The following CLYBL variants were observed in gnomAD, a reference collection of about 807,000 sequenced individuals.
CLYBL encodes citramalyl-CoA lyase, mitochondrial.
In CLYBL, 31 loss-of-function variants were observed where a neutral mutation model predicts 38.9. That is an observed-to-expected ratio of 0.80 (90% CI 0.60 to 1.08). The LOEUF is 1.08. Among genes scored for constraint, CLYBL ranks in the 50% least tolerant of loss-of-function variants. The pLI is 0.00. For missense variants in CLYBL, 434 were observed against 411.6 expected (o/e 1.05, Z -0.47); for synonymous variants, 171 against 158.6 (o/e 1.08, Z -0.59).
chr13:99,781,069 T>G (rs2138836639), intron 2 of CLYBL, among the ~76,000 whole-genome samples: 1 of 151,914 alleles, frequency 6.6e-6, no homozygotes, highest in South Asian at 2.1e-4. Context: ...TACACCATTA[T>G]ATTTCATAAT....
At chr13:99,843,166 T>C (rs1594216091) in intron 2 of CLYBL, among the ~76,000 whole-genome samples, 1 of 152,262 alleles carries the variant, frequency 6.6e-6, no homozygotes, top group South Asian at 2.1e-4. Context: ...TCATGGTCAT[T>C]CCTTTGGAGC....
intron 1 of CLYBL, among the ~76,000 whole-genome samples, chr13:99,664,940 T>C (rs1218307605): frequency 1.3e-5 from 2 of 152,116 alleles, no homozygotes; most frequent in Non-Finnish European, 2.9e-5. Context: ...AATAATAAAA[T>C]AGGAAAATAA....
intron 1 of CLYBL, among the ~76,000 whole-genome samples, chr13:99,763,673 G>A (rs1272931460): frequency 6.6e-6 from 1 of 150,468 alleles, no homozygotes; most frequent in Non-Finnish European, 1.5e-5. Flanking sequence ...TCCTGCCTAA[G>A]CCTCCCGAAT....
intron 7 of CLYBL, chr13:99,885,172 A>G (rs2052319552): frequency 2.0e-6 from 1 of 489,096 alleles, no homozygotes; most frequent in South Asian, 1.5e-5. Context: ...ATGTAAACAA[A>G]TACTCTCACT....
intron 2 of CLYBL, among the ~76,000 whole-genome samples, chr13:99,822,556 C>T (rs572122235): frequency 9.9e-5 from 15 of 152,192 alleles, no homozygotes; most frequent in Non-Finnish European, 1.8e-4. Context: ...CAGACCTTAG[C>T]GAGTCTAGCC....
At chr13:99,813,107 A>G (rs530924367) in intron 2 of CLYBL, among the ~76,000 whole-genome samples, 2 of 152,312 alleles carry the variant, frequency 1.3e-5, no homozygotes, top group Non-Finnish European at 2.9e-5. Context: ...AAAATTCTGC[A>G]CCAAAATGGT....
chr13:99,663,827 T>C (rs937356271), intron 1 of CLYBL, among the ~76,000 whole-genome samples: 36 of 152,184 alleles, frequency 2.4e-4, no homozygotes, highest in African/African-American at 8.4e-4. Context: ...CTGGAGCTTA[T>C]TACGGGCCTG....
intron 1 of CLYBL, among the ~76,000 whole-genome samples, chr13:99,616,743 G>A (rs2046717152): frequency 6.6e-6 from 1 of 152,162 alleles, no homozygotes; most frequent in Admixed American, 6.5e-5. Context: ...ATCACTTGAG[G>A]TCAGAAGTTC....
intron 1 of CLYBL, among the ~76,000 whole-genome samples, chr13:99,741,441 G>A (rs142775629): frequency 2.6e-5 from 4 of 152,328 alleles, no homozygotes; most frequent in Non-Finnish European, 5.9e-5. Context: ...TTCATCCATC[G>A]AGGGCTTGTG....
At chr13:99,778,964 G>A (rs2049580630) in intron 2 of CLYBL, among the ~76,000 whole-genome samples, 1 of 152,086 alleles carries the variant, frequency 6.6e-6, no homozygotes, top group Non-Finnish European at 1.5e-5. Context: ...TAAATACTGA[G>A]TACCTACTCA....
rs145084480 is a variant in CLYBL at position 99,707,551 on chromosome 13, C to T, written c.63-65273C>T. Among the ~76,000 whole-genome samples, 377 of 152,262 alleles carry T rather than the reference C, an allele frequency of 2.5e-3. 3 individuals are homozygous for T. The highest frequency in any genetic ancestry group is 8.8e-3 in the African/African-American group (364 of 41,550). ...CCTCCCAAAGTGCTGGGATTACAGG[C>T]TTGAGCCATTGCACCCAGCCTGGAT... On this transcript the variant is annotated intron_variant, in intron 1 of 8. Transcript: ENST00000339105.
chr13:99,733,549 T>C (rs1335539693), intron 1 of CLYBL, among the ~76,000 whole-genome samples: 1 of 152,232 alleles, frequency 6.6e-6, no homozygotes. Context: ...TTATTAGTCA[T>C]CAGGAACACC....
At chr13:99,768,198 T>TC (rs902182731) in intron 1 of CLYBL, among the ~76,000 whole-genome samples, 11 of 138,510 alleles carry the variant, frequency 7.9e-5, no homozygotes, top group South Asian at 7.3e-4. Context: ...TTTTCTTTTT[T>TC]TTTTTTTTTT....
intron 2 of CLYBL, among the ~76,000 whole-genome samples, chr13:99,840,272 A>G (rs1046966765): frequency 4.6e-5 from 7 of 150,706 alleles, no homozygotes; most frequent in Non-Finnish European, 1.0e-4. Flanking sequence ...AAAAATCACT[A>G]TATACAATTC....
At chr13:99,712,633 T>G (rs2139498047) in intron 1 of CLYBL, among the ~76,000 whole-genome samples, 1 of 152,236 alleles carries the variant, frequency 6.6e-6, no homozygotes, top group Non-Finnish European at 1.5e-5. Context: ...AAGTGTGAGC[T>G]ACCACACCTG....
chr13:99,639,543 T>C (rs9585158), intron 1 of CLYBL, among the ~76,000 whole-genome samples: 2,056 of 152,286 alleles, frequency 0.014, 47 homozygotes, highest in African/African-American at 0.046. Flanking sequence ...AAAACAATAA[T>C]TAAGATAAAC....
intron 1 of CLYBL, among the ~76,000 whole-genome samples, chr13:99,647,391 T>C (rs2047192429): frequency 6.6e-6 from 1 of 151,916 alleles, no homozygotes; most frequent in Non-Finnish European, 1.5e-5. Context: ...TTCCATAGTA[T>C]CTAAGGCCTT....
At chr13:99,796,238 T>C (rs2050019471) in intron 2 of CLYBL, among the ~76,000 whole-genome samples, 1 of 152,076 alleles carries the variant, frequency 6.6e-6, no homozygotes, top group Admixed American at 6.5e-5. Context: ...GCCTTCAACT[T>C]TGAGGGCCAC....
chr13:99,692,277 G>GTTTTT (rs113949110), intron 1 of CLYBL, among the ~76,000 whole-genome samples: 4 of 121,856 alleles, frequency 3.3e-5, no homozygotes, highest in African/African-American at 5.1e-5. Context: ...GTTCACATTT[G>GTTTTT]TTTTTTTTGT....
Sources: gnomAD v4.1 joint callset for allele counts (sites outside exome capture counted in the v4.1 genomes callset) on GRCh38, gnomAD v4.1.1 for gene constraint, MANE v1.5 for transcripts, NCBI Gene and HGNC (gene_info 2026-07-23, HGNC 2026-07-21) for gene names.